Variants in HMGB1 observed in about 807,000 individuals in gnomAD.
The protein encoded by HMGB1 is high mobility group protein B1.
For synonymous variants in HMGB1, 81 were observed against 84.0 expected, an observed-to-expected ratio of 0.96 and a Z score of 0.19; for missense variants, 79 against 253.5, an observed-to-expected ratio of 0.31 and a Z score of 4.67.
At chr13:30,561,989 A>C (rs1372589387) in intron 1 of HMGB1, among the ~76,000 whole-genome samples, 1 of 152,162 alleles carries the variant, frequency 6.6e-6, no homozygotes, top group Non-Finnish European at 1.5e-5. Flanking sequence ...CTCCCTGGTT[A>C]ATGATGGAGT....
chr13:30,583,369 C>T (rs972359634), intron 1 of HMGB1, among the ~76,000 whole-genome samples: 1 of 151,562 alleles, frequency 6.6e-6, no homozygotes, highest in African/African-American at 2.4e-5. Flanking sequence ...TACATCTCTA[C>T]AAAAAATACA....
At chr13:30,478,336 C>T (rs1887146608) in intron 1 of HMGB1, among the ~76,000 whole-genome samples, 2 of 151,682 alleles carry the variant, frequency 1.3e-5, no homozygotes, top group African/African-American at 2.4e-5. Context: ...AGAGTGAGAC[C>T]CTGTCTCTAA....
chr13:30,515,572 A>G (rs1888084617), intron 1 of HMGB1, among the ~76,000 whole-genome samples: 1 of 152,176 alleles, frequency 6.6e-6, no homozygotes, highest in South Asian at 2.1e-4. Flanking sequence ...TATCGCCAGT[A>G]AGGTCATAAT....
chr13:30,512,687 T>C (rs545562696), intron 1 of HMGB1, among the ~76,000 whole-genome samples: 1 of 152,332 alleles, frequency 6.6e-6, no homozygotes, highest in Admixed American at 6.5e-5. Context: ...TGGAGCCGCT[T>C]CCACTCAGTA....
chr13:30,592,002 G>T (rs933642989), intron 1 of HMGB1, among the ~76,000 whole-genome samples: 3 of 152,054 alleles, frequency 2.0e-5, no homozygotes, highest in African/African-American at 7.2e-5. Flanking sequence ...CTGCATGGGA[G>T]AAAGCAACTG....
chr13:30,482,620 G>C (rs115061500), intron 1 of HMGB1, among the ~76,000 whole-genome samples: 1 of 152,080 alleles, frequency 6.6e-6, no homozygotes, highest in Non-Finnish European at 1.5e-5. Context: ...AGTCTGACTC[G>C]ACACCTTCCA....
At chr13:30,477,564 GA>G (rs1887127106) in intron 1 of HMGB1, among the ~76,000 whole-genome samples, 2 of 152,340 alleles carry the variant, frequency 1.3e-5, no homozygotes, top group African/African-American at 4.8e-5. Flanking sequence ...GAAAGGCTCT[GA>G]AGACAGAAAA....
At chr13:30,493,274 C>G (rs1201761215) in intron 1 of HMGB1, among the ~76,000 whole-genome samples, 1 of 152,148 alleles carries the variant, frequency 6.6e-6, no homozygotes, top group Non-Finnish European at 1.5e-5. Context: ...TACTAATGCT[C>G]ACAACATGGA....
intron 1 of HMGB1, among the ~76,000 whole-genome samples, chr13:30,485,063 ACT>A (rs1207885048): frequency 3.0e-5 from 4 of 133,926 alleles, no homozygotes; most frequent in Non-Finnish European, 6.2e-5. Context: ...ACAGAGTCTC[ACT>A]CTGTTGCCCA....
At chr13:30,608,600 T>C (rs892826069) in intron 1 of HMGB1, among the ~76,000 whole-genome samples, 2 of 152,192 alleles carry the variant, frequency 1.3e-5, no homozygotes, top group African/African-American at 4.8e-5. Flanking sequence ...CAACTTCCTC[T>C]CTTCTTTCCA....
intron 1 of HMGB1, among the ~76,000 whole-genome samples, chr13:30,537,913 CT>C (rs1868531375): frequency 6.6e-6 from 1 of 151,846 alleles, no homozygotes; most frequent in Admixed American, 6.6e-5. Flanking sequence ...TTTCTCCCTT[CT>C]TCTCTTTTTT....
intron 1 of HMGB1, among the ~76,000 whole-genome samples, chr13:30,531,866 C>T (rs983118034): frequency 4.6e-5 from 7 of 151,676 alleles, no homozygotes; most frequent in African/African-American, 1.5e-4. Context: ...CATTGCACTC[C>T]AGCCTGGGCA....
chr13:30,609,263 A>C (rs1007203485), intron 1 of HMGB1, among the ~76,000 whole-genome samples: 1 of 152,194 alleles, frequency 6.6e-6, no homozygotes, highest in Non-Finnish European at 1.5e-5. Flanking sequence ...CCGTCTCAAA[A>C]AAACAAACAA....
intron 1 of HMGB1, among the ~76,000 whole-genome samples, chr13:30,500,158 A>G (rs909743615): frequency 6.6e-6 from 1 of 152,152 alleles, no homozygotes; most frequent in Non-Finnish European, 1.5e-5. Flanking sequence ...TCTCTTTTGC[A>G]TGTCCTGCTT....
chr13:30,487,923 T>TA (rs1165832732), intron 1 of HMGB1, among the ~76,000 whole-genome samples: 3 of 152,034 alleles, frequency 2.0e-5, no homozygotes, highest in African/African-American at 4.8e-5. Context: ...GGCATTGGTT[T>TA]AAAAAAAATT....
At chr13:30,613,613 T>C (rs1950533113) in intron 1 of HMGB1, among the ~76,000 whole-genome samples, 1 of 152,366 alleles carries the variant, frequency 6.6e-6, no homozygotes, top group Non-Finnish European at 1.5e-5. Flanking sequence ...CATAATCTAC[T>C]TGCTTCATAT....
At chr13:30,538,480 TTC>T (rs1491182124) in intron 1 of HMGB1, among the ~76,000 whole-genome samples, 1 of 32,560 alleles carries the variant, frequency 3.1e-5, no homozygotes, top group Non-Finnish European at 7.5e-5. Flanking sequence ...CTTTCTTTCT[TTC>T]TTTCTTTCTT....
intron 1 of HMGB1, among the ~76,000 whole-genome samples, chr13:30,572,139 G>C (rs1298409603): frequency 7.2e-5 from 11 of 152,226 alleles, no homozygotes; most frequent in Admixed American, 1.3e-4. Flanking sequence ...ACAACAGCAA[G>C]TATAAAACAA....
chr13:30,499,869 T>A (rs1887695533), intron 1 of HMGB1, among the ~76,000 whole-genome samples: 1 of 152,212 alleles, frequency 6.6e-6, no homozygotes, highest in Non-Finnish European at 1.5e-5. Flanking sequence ...TTAAAGTGAA[T>A]CTGAAGCCTG....
Sources: gnomAD v4.1 joint callset for allele counts (sites outside exome capture counted in the v4.1 genomes callset) on GRCh38, gnomAD v4.1.1 for gene constraint, MANE v1.5 for transcripts, NCBI Gene and HGNC (gene_info 2026-07-23, HGNC 2026-07-21) for gene names.